Variants in RAB31 observed in about 807,000 individuals in gnomAD.
The protein encoded by RAB31 is ras-related protein Rab-31.
In RAB31, 21 loss-of-function variants were observed where a neutral mutation model predicts 25.6. The observed-to-expected ratio is 0.82, with a 90% confidence interval of 0.58 to 1.18. The LOEUF is 1.18. RAB31 is among the 50% of genes most tolerant of loss of function. The probability of loss-of-function intolerance (pLI) is 0.00; values close to 1 mark genes in which losing one functional copy is unlikely to be tolerated. For synonymous variants in RAB31, 87 were observed against 84.0 expected, an observed-to-expected ratio of 1.04 and a Z score of -0.20; for missense variants, 196 against 250.1, an observed-to-expected ratio of 0.78 and a Z score of 1.46.
intron 5 of RAB31, among the ~76,000 whole-genome samples, chr18:9,823,990 A>G (rs2068636415): frequency 6.6e-6 from 1 of 152,210 alleles, no homozygotes; most frequent in African/African-American, 2.4e-5. Flanking sequence ...TTGGTCAGCA[A>G]TCTGGCTGCT....
intron 1 of RAB31, among the ~76,000 whole-genome samples, chr18:9,722,302 A>G (rs1432450984): frequency 6.6e-6 from 1 of 152,182 alleles, no homozygotes; most frequent in Admixed American, 6.5e-5. Context: ...CAGAAGGAAC[A>G]TGGGAGCGGT....
chr18:9,758,586 A>G lies in RAB31; in HGVS notation c.40-16692A>G, dbSNP rs73383301. ...CAGATGCGGGCAGGTGTCCCTGTGCATCCCCATCACAGCACTTGTCACAGT... is the reference window on the plus strand; with the variant it reads ...CAGATGCGGGCAGGTGTCCCTGTGCGTCCCCATCACAGCACTTGTCACAGT... On this transcript the variant is annotated intron_variant, in intron 1 of 6. Transcript: ENST00000578921. Among the ~76,000 whole-genome samples, 766 of 152,142 alleles carry G rather than the reference A, an allele frequency of 5.0e-3. 5 individuals are homozygous for G. The highest frequency in any genetic ancestry group is 0.017 in the African/African-American group (725 of 41,516).
At chr18:9,776,452 A>ATCCAAC (rs1568176225) in intron 2 of RAB31, among the ~76,000 whole-genome samples, 1 of 152,232 alleles carries the variant, frequency 6.6e-6, no homozygotes, top group African/African-American at 2.4e-5. Flanking sequence ...TACTTGGCTG[A>ATCCAAC]TAGGCCAGTA....
At chr18:9,767,004 G>A (rs774951714) in intron 1 of RAB31, among the ~76,000 whole-genome samples, 6 of 152,060 alleles carry the variant, frequency 3.9e-5, no homozygotes, top group Non-Finnish European at 7.4e-5. Flanking sequence ...AAAGAAGTAT[G>A]TAAGCCTTAA....
intron 5 of RAB31, among the ~76,000 whole-genome samples, chr18:9,839,874 C>T (rs1317420133): frequency 6.6e-6 from 1 of 152,210 alleles, no homozygotes; most frequent in Non-Finnish European, 1.5e-5. Flanking sequence ...ATCACCTGAG[C>T]CTGATTGGTC....
At chr18:9,775,469 G>A (rs2068367615) in intron 2 of RAB31, 112 bp downstream of exon 2, 1 of 1,525,246 alleles carries the variant, frequency 6.6e-7, no homozygotes, top group Non-Finnish European at 8.8e-7. Flanking sequence ...ATCCCAGCCA[G>A]TGAGAATCAA....
At chr18:9,808,099 T>G (rs747972164) in intron 3 of RAB31, among the ~76,000 whole-genome samples, 3 of 152,092 alleles carry the variant, frequency 2.0e-5, no homozygotes, top group Non-Finnish European at 4.4e-5. Flanking sequence ...CAGAAAGGAG[T>G]CAGGTGCTCA....
chr18:9,717,575 C>A (rs1319839029), intron 1 of RAB31, among the ~76,000 whole-genome samples: 1 of 152,172 alleles, frequency 6.6e-6, no homozygotes, highest in Admixed American at 6.5e-5. Context: ...CAGGACTACT[C>A]TCTGCCTTCA....
At chr18:9,760,182 T>C (rs2068281173) in intron 1 of RAB31, among the ~76,000 whole-genome samples, 1 of 151,862 alleles carries the variant, frequency 6.6e-6, no homozygotes, top group Non-Finnish European at 1.5e-5. Context: ...TTGTTTTTGT[T>C]TTTGTTTTTG....
intron 5 of RAB31, among the ~76,000 whole-genome samples, chr18:9,843,200 C>A (rs1237298165): frequency 2.6e-5 from 4 of 152,144 alleles, no homozygotes; most frequent in African/African-American, 7.2e-5. Context: ...TCCTCCTGCA[C>A]CCCATTGTGG....
chr18:9,798,624 A>G lies in RAB31; in HGVS notation c.201+6389A>G, dbSNP rs2068498349. Reference sequence around the variant, plus strand: ...CTTTTTTTCTTTCTTATTTTATTTTATTTTATCTTTTTAAGACAAGGTCAC... The same window carrying G: ...CTTTTTTTCTTTCTTATTTTATTTTGTTTTATCTTTTTAAGACAAGGTCAC... On this transcript the variant is annotated intron_variant, in intron 3 of 6. Transcript: ENST00000578921. 2.6e-5 allele frequency among the ~76,000 whole-genome samples: 4 copies of G among 151,678 alleles called. No individual in the cohort carries two copies. In the South Asian group the frequency reaches 8.4e-4, roughly 32 times the overall value.
intron 5 of RAB31, among the ~76,000 whole-genome samples, chr18:9,826,141 C>T (rs1302555536): frequency 1.3e-5 from 2 of 152,120 alleles, no homozygotes; most frequent in African/African-American, 2.4e-5. Context: ...TGTTGGGAGG[C>T]TGAGGTGGGC....
At chr18:9,794,578 A>C (rs1278122136) in intron 3 of RAB31, among the ~76,000 whole-genome samples, 1 of 152,198 alleles carries the variant, frequency 6.6e-6, no homozygotes, top group Non-Finnish European at 1.5e-5. Context: ...GCACTTTGGG[A>C]GGCTGAGATG....
rs111866708 is a variant in RAB31, at chr18:9,828,758, T to C, written c.380+13536T>C. Among the ~76,000 whole-genome samples, 1,273 of 152,288 alleles carry C rather than the reference T, an allele frequency of 8.4e-3. 23 individuals are homozygous for C. Among genetic ancestry groups the C allele is most frequent in the African/African-American group, 0.029 (1,205 of 41,564 alleles). ...ATTATACAAACCAAATAACAGAATTTGAAATGCTGGACCTTAAAAATCCAA... is the reference window on the plus strand; with the variant it reads ...ATTATACAAACCAAATAACAGAATTCGAAATGCTGGACCTTAAAAATCCAA... On this transcript the variant is annotated intron_variant, in intron 5 of 6. Transcript: ENST00000578921.
chr18:9,780,842 A>C (rs908233466), intron 2 of RAB31, among the ~76,000 whole-genome samples: 1 of 152,142 alleles, frequency 6.6e-6, no homozygotes, highest in Non-Finnish European at 1.5e-5. Context: ...GAGGTAGGAG[A>C]ATCGCTCGAA....
chr18:9,720,268 AT>A (rs1235312556), intron 1 of RAB31, among the ~76,000 whole-genome samples: 1 of 152,102 alleles, frequency 6.6e-6, no homozygotes, highest in Non-Finnish European at 1.5e-5. Context: ...CCAGCCTGAA[AT>A]CTTTAGTTAT....
intron 1 of RAB31, among the ~76,000 whole-genome samples, chr18:9,741,785 G>A (rs1027876445): frequency 2.0e-5 from 3 of 152,212 alleles, no homozygotes; most frequent in Non-Finnish European, 4.4e-5. Flanking sequence ...GCCTGCCATT[G>A]AGGGTGGAGA....
chr18:9,730,606 A>G (rs893127733), intron 1 of RAB31, among the ~76,000 whole-genome samples: 10 of 152,166 alleles, frequency 6.6e-5, no homozygotes, highest in African/African-American at 2.4e-4. Flanking sequence ...ATTTTTGAAA[A>G]CATGGTTACA....
intron 3 of RAB31, among the ~76,000 whole-genome samples, chr18:9,805,518 T>C (rs2068535767): frequency 1.3e-5 from 2 of 152,144 alleles, no homozygotes; most frequent in East Asian, 3.9e-4. Context: ...GTGAGGACAC[T>C]GGGCCCACCC....
Sources: gnomAD v4.1 joint callset for allele counts (sites outside exome capture counted in the v4.1 genomes callset) on GRCh38, gnomAD v4.1.1 for gene constraint, MANE v1.5 for transcripts, NCBI Gene and HGNC (gene_info 2026-07-23, HGNC 2026-07-21) for gene names.